The following WDR33 variants were observed in gnomAD, a reference collection of about 807,000 sequenced individuals.
WDR33 encodes the protein pre-mRNA 3' end processing protein WDR33.
WDR33 carries 47 observed loss-of-function variants against 164.9 expected under a neutral mutation model. The ratio of observed to expected loss-of-function variants is 0.29; its 90% confidence interval spans 0.23 to 0.36. The LOEUF is 0.36. WDR33 is among the 10% of genes least tolerant of loss of function. The pLI, the probability that WDR33 is intolerant of heterozygous loss-of-function variation, is 1.00. For missense variants in WDR33, 1,137 were observed against 1,754.1 expected (o/e 0.65, Z 6.28); for synonymous variants, 505 against 589.0 (o/e 0.86, Z 2.06).
At chr2:127,798,367 C>CAAA (rs61568967) in intron 1 of WDR33, among the ~76,000 whole-genome samples, 11 of 19,276 alleles carry the variant, frequency 5.7e-4, no homozygotes, top group African/African-American at 2.1e-3. Context: ...GACACCGTCG[C>CAAA]AAAAAAAAAA....
chr2:127,745,671 C>T (rs983107089), intron 7 of WDR33, among the ~76,000 whole-genome samples: 14 of 152,104 alleles, frequency 9.2e-5, no homozygotes, highest in South Asian at 2.1e-4. Flanking sequence ...GCTCATACCA[C>T]AGACATACCA....
rs1685899701 is a variant in WDR33, at chr2:127,701,941, G to A, written c.*4382C>T. The A allele has an allele frequency of 1.2e-5, 17 of 1,416,506 alleles. No individual in the cohort carries two copies. The highest frequency in any genetic ancestry group is 1.5e-5 in the African/African-American group (1 of 66,094). The allele number at this position is 1,416,506 out of a possible 1,614,324, so 87.7% of individuals were successfully genotyped here. On this transcript the variant is annotated 3_prime_UTR_variant, in exon 22 of 22. Transcript: ENST00000322313. ...GCGGCGTGCGGACGCCTGCTGCGCT[G>A]CGAAGAAGCGCCGTCCCGGCCCGCG... is the stretch of plus-strand genomic sequence containing the variant.
chr2:127,802,181 T>A (rs183786016), intron 1 of WDR33, among the ~76,000 whole-genome samples: 1 of 149,562 alleles, frequency 6.7e-6, no homozygotes, highest in East Asian at 1.9e-4. Flanking sequence ...AAAAAAAAAT[T>A]AAGACAGTAA....
rs756966578 is a variant in WDR33 at position 127,719,277 on chromosome 2, G to A, written c.2748C>T (p.Ala916=). Residue 916 remains alanine (A), a synonymous_variant, in exon 16 of 22, where the codon GCC becomes GCT. Coordinates refer to ENST00000322313, the MANE Select transcript of WDR33 (RefSeq NM_018383.5). The surrounding 1 kb of genome is among the most constrained non-coding windows in gnomAD (Gnocchi z 6.5). ...AAATGAATAATACCTGGTTGAAGGG[G>A]GCCCGGGGCCCATCACCTAGCAGAG... is the stretch of plus-strand genomic sequence containing the variant. ...KTPLLGDGPR[A]PFNQEGQSTG... 5.6e-6 allele frequency: 8 copies of A among 1,433,698 alleles called. No homozygotes were observed. In the Admixed American group the frequency reaches 1.8e-4, roughly 33 times the overall value. The allele number at this position is 1,433,698 out of a possible 1,614,324, so 88.8% of individuals were successfully genotyped here. A position where few individuals can be genotyped will look rare whatever the true frequency, so the allele number is the denominator to read the frequency against.
chr2:127,786,596 T>C (rs548019651), intron 1 of WDR33, among the ~76,000 whole-genome samples: 5 of 152,276 alleles, frequency 3.3e-5, no homozygotes, highest in East Asian at 1.9e-4. Flanking sequence ...AGCATGAGAA[T>C]TGCTTGAACC....
chr2:127,767,540 C>CAT, intron 4 of WDR33, among the ~76,000 whole-genome samples: 1 of 151,874 alleles, frequency 6.6e-6, no homozygotes, highest in East Asian at 1.9e-4. Flanking sequence ...GGTGAAACCC[C>CAT]GTCTCTACTA....
At chr2:127,788,008 C>A (rs1480470000) in intron 1 of WDR33, among the ~76,000 whole-genome samples, 1 of 73,624 alleles carries the variant, frequency 1.4e-5, no homozygotes, top group Non-Finnish European at 2.5e-5. Flanking sequence ...GTTGGCTGGC[C>A]GGGCGGGGGG....
intron 4 of WDR33, 33 bp from the exon 5 acceptor site, chr2:127,765,302 T>C (rs370494447): frequency 6.6e-7 from 1 of 1,509,540 alleles, no homozygotes; most frequent in Admixed American, 2.0e-5. Flanking sequence ...TTATACATCC[T>C]CCAACTTCAC....
At position 127,711,770 on chromosome 2, in the gene WDR33, A is replaced by ATTTTTTTTTTTTTTTTT. The variant is rs1220888579; in HGVS notation, c.3308+1812_3308+1813insAAAAAAAAAAAAAAAAA. Among the ~76,000 whole-genome samples the ATTTTTTTTTTTTTTTTT allele has an allele frequency of 2.7e-4, 21 of 77,872 alleles. 1 individual carries two copies. Among genetic ancestry groups the ATTTTTTTTTTTTTTTTT allele is most frequent in the Middle Eastern group, 8.5e-3 (1 of 118 alleles). 51.1% of individuals were successfully genotyped at this position (77,872 alleles called of 152,430 possible). A position where few individuals can be genotyped will look rare whatever the true frequency, so the allele number is the denominator to read the frequency against. On this transcript the variant is annotated intron_variant, in intron 18 of 21. Transcript: ENST00000322313. ...TATACAGATATATATATATATATAT[A>ATTTTTTTTTTTTTTTTT]TATATATATATTTTTTTTTTGAGAC...
chr2:127,709,704 C>A lies in WDR33; in HGVS notation c.3461G>T (p.Gly1154Val). 1 of 1,614,248 alleles carries A rather than the reference C, an allele frequency of 6.2e-7. No individual in the cohort carries two copies. The highest frequency in any genetic ancestry group is 8.5e-7 in the Non-Finnish European group (1 of 1,180,040). The change falls in exon 19 of 22, where the codon GGT (glycine) becomes GTT (valine). Residue 1154 changes from glycine (G) to valine (V), a missense_variant. This residue lies in a region of WDR33 where 867 missense variants were observed against 1,073.0 expected (regional missense o/e 0.81). Transcript: ENST00000322313. This position sits in a 1 kb window ranked among gnomAD's most constrained non-coding sequence, Gnocchi z 5.0. ...AGTAACTCGCTCACCTCGTGGGGTA[C>A]CCCGACCTCGACCTCTGAGATCTCG... Reference protein sequence around the residue: ...RGRDLRGRGRGTPRGGRKGLL... With the variant: ...RGRDLRGRGRVTPRGGRKGLL...
chr2:127,737,845 A>G, intron 7 of WDR33: 2 of 1,375,748 alleles, frequency 1.5e-6, no homozygotes, highest in South Asian at 1.8e-5. Flanking sequence ...TTAGAAACAT[A>G]AAAGCAACAA....
intron 7 of WDR33, among the ~76,000 whole-genome samples, chr2:127,755,838 G>A (rs1687502335): frequency 6.6e-6 from 1 of 152,114 alleles, no homozygotes; most frequent in South Asian, 2.1e-4. Context: ...TCCTGACAAG[G>A]AGTTCCTAAA....
At position 127,708,655 on chromosome 2, in the gene WDR33, A is replaced by G. The variant is rs776742638; in HGVS notation, c.3781+22T>C. 5.1e-6 allele frequency: 8 copies of G among 1,560,074 alleles called. 1 individual carries two copies. The South Asian group carries it at 8.4e-5, about 16-fold the overall frequency. ...ATCGGCCCCTGCATCTCCTGGAACC[A>G]TAACCACTGGCCTGCTCTTACCTTT... On this transcript the variant is annotated intron_variant, in intron 21 of 21. Coordinates refer to ENST00000322313, the MANE Select transcript of WDR33 (RefSeq NM_018383.5). This position sits in a 1 kb window ranked among gnomAD's most constrained non-coding sequence, Gnocchi z 6.7.
At chr2:127,744,679 G>A (rs1252077593) in intron 7 of WDR33, among the ~76,000 whole-genome samples, 4 of 152,068 alleles carry the variant, frequency 2.6e-5, no homozygotes, top group Non-Finnish European at 5.9e-5. Flanking sequence ...TTTGTAAAAG[G>A]CAGAAGTTCT....
chr2:127,760,740 G>A lies in WDR33; in HGVS notation c.724+2322C>T, dbSNP rs865777531. Among the ~76,000 whole-genome samples the A allele has an allele frequency of 2.0e-4, 31 of 151,920 alleles. No homozygotes were observed. The Middle Eastern group carries it at 0.014, about 67-fold the overall frequency. On this transcript the variant is annotated intron_variant, in intron 7 of 21. Coordinates refer to ENST00000322313, the MANE Select transcript of WDR33 (RefSeq NM_018383.5). ...TGTCTCATATACTGAAGTGTCTTGG[G>A]GTACTAAAAATATTGTTACTGTAAA...
intron 1 of WDR33, among the ~76,000 whole-genome samples, chr2:127,804,883 A>ATAAC (rs975888159): frequency 1.3e-5 from 2 of 152,186 alleles, no homozygotes; most frequent in African/African-American, 4.8e-5. Context: ...CAGATCAAGT[A>ATAAC]TAACTGCAAA....
In WDR33 at chr2:127,717,234, C is replaced by T. The variant is rs202200465; in HGVS notation, c.2790G>A (p.Leu930=). Residue 930 remains leucine, a synonymous_variant, in exon 17 of 22, where the codon CTG becomes CTA. Coordinates refer to ENST00000322313, the MANE Select transcript of WDR33 (RefSeq NM_018383.5). This position sits in a 1 kb window ranked among gnomAD's most constrained non-coding sequence, Gnocchi z 5.6. ...QEGQSTGPPP[L]IPGLGQQGAQ... is the part of the protein sequence containing the mutation. ...CTCCCTGCTGCCCTAGGCCTGGTAT[C>T]AGGGGTGGGGGGCCTGTGCTCTGTC... is the stretch of plus-strand genomic sequence containing the variant. 1.2e-6 allele frequency: 2 copies of T among 1,604,518 alleles called. No individual in the cohort carries two copies. Among genetic ancestry groups the T allele is most frequent in the African/African-American group, 2.7e-5 (2 of 74,556 alleles).
In WDR33 at chr2:127,719,115, C is replaced by A. The variant is rs562434346; in HGVS notation, c.2760+150G>T. The A allele has an allele frequency of 5.3e-5, 54 of 1,021,142 alleles. No homozygotes were observed. In the African/African-American group the frequency reaches 8.0e-4, roughly 15 times the overall value. The allele number at this position is 1,021,142 out of a possible 1,614,324, so 63.3% of individuals were successfully genotyped here. ...AACTCATCATTCTTATGATTTCATT[C>A]TTCAGCCAGGATGCTAGTATCTTAA... On this transcript the variant is annotated intron_variant, in intron 16 of 21. Transcript: ENST00000322313. This position sits in a 1 kb window ranked among gnomAD's most constrained non-coding sequence, Gnocchi z 6.5.
chr2:127,711,536 G>C (rs1041157290), intron 18 of WDR33, among the ~76,000 whole-genome samples: 1 of 150,204 alleles, frequency 6.7e-6, no homozygotes, highest in Non-Finnish European at 1.5e-5. Flanking sequence ...GTCATAAAAA[G>C]CCATGTCAAA....
Sources: allele counts gnomAD v4.1 joint callset (sites outside exome capture counted in the v4.1 genomes callset), GRCh38; gene constraint gnomAD v4.1.1; regional missense constraint gnomAD v4.1.1; non-coding constraint Gnocchi (gnomAD v3.1); transcripts MANE v1.5; gene names NCBI Gene and HGNC (gene_info 2026-07-23, HGNC 2026-07-21).